PIGK: variants seen among roughly 807,000 people sequenced by gnomAD.
PIGK encodes phosphatidylinositol glycan anchor biosynthesis class K, also known as GPI-anchor transamidase.
Under a neutral mutation model 50.6 loss-of-function variants are expected in PIGK, and 42 were observed. The ratio of observed to expected loss-of-function variants is 0.83; its 90% CI spans 0.65 to 1.07. The LOEUF (loss-of-function observed/expected upper bound fraction) is 1.07. Ranked by LOEUF, PIGK falls within the 50% of genes least tolerant of loss-of-function variation. PIGK has a pLI of 0.00. For missense variants in PIGK, 448 were observed against 488.7 expected, an observed-to-expected ratio of 0.92 and a Z score of 0.78; for synonymous variants, 151 against 156.0, an observed-to-expected ratio of 0.97 and a Z score of 0.24.
At chr1:77,184,879 TC>T in intron 3 of PIGK, among the ~76,000 whole-genome samples, 1 of 152,300 alleles carries the variant, frequency 6.6e-6, no homozygotes, top group South Asian at 2.1e-4. Flanking sequence ...CAGTATCACA[TC>T]CTGGAGGGAC....
intron 8 of PIGK, among the ~76,000 whole-genome samples, chr1:77,156,082 A>T (rs923187131): frequency 2.0e-4 from 30 of 152,210 alleles, no homozygotes; most frequent in Non-Finnish European, 3.5e-4. Flanking sequence ...CAAATTAAAA[A>T]GGAAAAAAAA....
chr1:77,107,847 C>A (rs892570985), intron 10 of PIGK, among the ~76,000 whole-genome samples: 1 of 152,042 alleles, frequency 6.6e-6, no homozygotes, highest in Non-Finnish European at 1.5e-5. Context: ...TATGTCATGG[C>A]CTTCTTTGTC....
At chr1:77,198,375 A>G (rs1455674399) in intron 3 of PIGK, among the ~76,000 whole-genome samples, 1 of 152,038 alleles carries the variant, frequency 6.6e-6, no homozygotes, top group African/African-American at 2.4e-5. Context: ...TATCTGCACT[A>G]TTAGTTTTGA....
intron 3 of PIGK, among the ~76,000 whole-genome samples, chr1:77,176,901 TAATTCA>T (rs1411843456): frequency 6.6e-6 from 1 of 152,154 alleles, no homozygotes; most frequent in African/African-American, 2.4e-5. Flanking sequence ...AAAGAGAAAA[TAATTCA>T]AATTAAATAT....
At chr1:77,171,298 A>G (rs996035975) in intron 3 of PIGK, among the ~76,000 whole-genome samples, 4 of 151,742 alleles carry the variant, frequency 2.6e-5, no homozygotes, top group Non-Finnish European at 4.4e-5. Context: ...TTAGCCGGGC[A>G]TGGTGGCAGG....
chr1:77,097,788 T>A (rs1653452838), intron 10 of PIGK, among the ~76,000 whole-genome samples: 1 of 152,104 alleles, frequency 6.6e-6, no homozygotes, highest in Admixed American at 6.6e-5. Context: ...GGGCTCGGAT[T>A]TCATATAAAT....
intron 9 of PIGK, among the ~76,000 whole-genome samples, chr1:77,142,039 A>G (rs965343672): frequency 3.3e-5 from 5 of 152,178 alleles, no homozygotes; most frequent in Admixed American, 1.3e-4. Context: ...TGAGTATTAA[A>G]AAAGACTAAT....
At chr1:77,154,948 T>A (rs1371509453) in intron 8 of PIGK, among the ~76,000 whole-genome samples, 2 of 152,156 alleles carry the variant, frequency 1.3e-5, no homozygotes, top group Non-Finnish European at 2.9e-5. Context: ...GAAAACAGAA[T>A]TGCTCTTTTT....
intron 3 of PIGK, among the ~76,000 whole-genome samples, chr1:77,204,721 C>T (rs767207873): frequency 6.6e-6 from 1 of 152,262 alleles, no homozygotes; most frequent in East Asian, 1.9e-4. Flanking sequence ...GTTGAAATAT[C>T]AGGGGCTGAT....
intron 2 of PIGK, among the ~76,000 whole-genome samples, chr1:77,210,087 G>A (rs893171118): frequency 2.6e-5 from 4 of 151,962 alleles, no homozygotes; most frequent in African/African-American, 9.7e-5. Context: ...TTTAAAAAGT[G>A]TAAGTAGAAA....
intron 10 of PIGK, among the ~76,000 whole-genome samples, chr1:77,114,984 A>C (rs191937494): frequency 6.6e-6 from 1 of 152,198 alleles, no homozygotes; most frequent in African/African-American, 2.4e-5. Context: ...CCAGATATTG[A>C]TAATTCAATA....
Position 77,174,026 on chromosome 1 carries a change from G to A in PIGK, c.240-4631C>T, listed in dbSNP as rs115717591. ...ATTGACTGCTCTAGACTTCTAGGAA[G>A]AGCAATGGAAGCTATCCAATATAGC... On this transcript the variant is annotated intron_variant, in intron 3 of 10. Transcript: ENST00000370812. 2.7e-3 allele frequency among the ~76,000 whole-genome samples: 418 copies of A among 152,350 alleles called. 1 individual carries two copies. Among genetic ancestry groups the A allele is most frequent in the African/African-American group, 9.3e-3 (385 of 41,582 alleles).
intron 3 of PIGK, among the ~76,000 whole-genome samples, chr1:77,183,381 G>A (rs1655665891): frequency 6.6e-6 from 1 of 152,152 alleles, no homozygotes; most frequent in Non-Finnish European, 1.5e-5. Context: ...TATGCTGCCT[G>A]AGGCAACAGT....
chr1:77,096,881 C>CTTTTTTTTTTTTTTTTT (rs141858558), intron 10 of PIGK, among the ~76,000 whole-genome samples: 35 of 124,144 alleles, frequency 2.8e-4, no homozygotes, highest in African/African-American at 4.3e-4. Flanking sequence ...TCGGGTTTTT[C>CTTTTTTTTTTTTTTTTT]TTTTTTTTTT....
chr1:77,122,898 G>T, intron 9 of PIGK, among the ~76,000 whole-genome samples: 1 of 151,928 alleles, frequency 6.6e-6, no homozygotes, highest in African/African-American at 2.4e-5. Flanking sequence ...TTTGTTTATC[G>T]CCATCTAGGT....
intron 5 of PIGK, among the ~76,000 whole-genome samples, chr1:77,164,616 T>C (rs1310567396): frequency 2.6e-5 from 4 of 152,192 alleles, no homozygotes; most frequent in African/African-American, 7.2e-5. Context: ...AAGTGGTTAG[T>C]TGACTATGCC....
intron 9 of PIGK, among the ~76,000 whole-genome samples, chr1:77,136,619 A>T (rs1239162183): frequency 1.3e-5 from 2 of 148,852 alleles, no homozygotes; most frequent in African/African-American, 4.9e-5. Flanking sequence ...TCTTTGACTG[A>T]TTTTTAAATC....
chr1:77,191,533 A>G (rs1280233064), intron 3 of PIGK, among the ~76,000 whole-genome samples: 3 of 152,196 alleles, frequency 2.0e-5, no homozygotes, highest in Non-Finnish European at 4.4e-5. Flanking sequence ...CCTGAATTAT[A>G]CATTTTGCCT....
At position 77,161,666 on chromosome 1, in the gene PIGK, G is replaced by A; in HGVS notation, c.630C>T (p.Ser210=). 3 of 1,584,916 alleles carry A rather than the reference G, an allele frequency of 1.9e-6. No individual in the cohort carries two copies. The highest frequency in any genetic ancestry group is 2.6e-6 in the Non-Finnish European group (3 of 1,153,594). ...TAGGAGAATAAAATCGTTCATACAT[G>A]GATGCTCCTTGGCAAGTATCAATAA... The part of the protein sequence containing the change: ...LFIIDTCQGA[S]MYERFYSPNI... The change falls in exon 7 of 11, where the codon TCC becomes TCT. Residue 210 remains serine, a synonymous_variant. Coordinates refer to ENST00000370812, the MANE Select transcript of PIGK (RefSeq NM_005482.3).
Sources: allele counts gnomAD v4.1 joint callset (sites outside exome capture counted in the v4.1 genomes callset), GRCh38; gene constraint gnomAD v4.1.1; transcripts MANE v1.5; gene names NCBI Gene and HGNC (gene_info 2026-07-23, HGNC 2026-07-21).